ACSS1: variants seen among roughly 807,000 people sequenced by gnomAD.
The protein encoded by ACSS1 is acetyl-coenzyme A synthetase 2-like, mitochondrial.
A neutral mutation model predicts 75.3 loss-of-function variants in ACSS1; 42 were observed. The observed-to-expected ratio is 0.56, with a 90% CI of 0.44 to 0.72. The LOEUF is 0.72. Ranked by LOEUF, ACSS1 falls within the 30% of genes least tolerant of loss-of-function variation. The probability of loss-of-function intolerance (pLI) is 0.00; values close to 1 mark genes in which losing one functional copy is unlikely to be tolerated. For missense variants in ACSS1, 782 were observed against 935.7 expected (o/e 0.84, Z 2.14); for synonymous variants, 380 against 376.8 (o/e 1.01, Z -0.10).
intron 1 of ACSS1, among the ~76,000 whole-genome samples, chr20:25,056,208 C>A (rs554857193): frequency 3.9e-5 from 6 of 152,258 alleles, no homozygotes; most frequent in Admixed American, 3.3e-4. Flanking sequence ...TGTGCACAGG[C>A]CAACTGTGAA....
At chr20:25,036,917 T>C (rs2088916262) in intron 2 of ACSS1, among the ~76,000 whole-genome samples, 1 of 143,870 alleles carries the variant, frequency 7.0e-6, no homozygotes, top group Admixed American at 7.3e-5. Context: ...ATCCCATCAC[T>C]GCACTGCAGC....
At chr20:25,009,549 G>C in intron 12 of ACSS1, 161 bp from the exon 13 acceptor site, 1 of 646,506 alleles carries the variant, frequency 1.5e-6, no homozygotes, top group Non-Finnish European at 2.8e-6. Flanking sequence ...ACCCAAAGAT[G>C]CACTTCAGTT....
At chr20:25,016,940 G>T (rs1245461104) in intron 7 of ACSS1, among the ~76,000 whole-genome samples, 1 of 152,120 alleles carries the variant, frequency 6.6e-6, no homozygotes, top group Non-Finnish European at 1.5e-5. Context: ...AGGCGCAGGA[G>T]CAACAACCCC....
intron 1 of ACSS1, among the ~76,000 whole-genome samples, 189 bp downstream of exon 1, chr20:25,057,580 G>A (rs2089260703): frequency 6.6e-6 from 1 of 152,152 alleles, no homozygotes; most frequent in African/African-American, 2.4e-5. Context: ...TCTGGGGCCC[G>A]ATGGGATGAG....
At chr20:25,023,327 G>T (rs1339651930) in intron 4 of ACSS1, 139 bp downstream of exon 4, 12 of 1,122,100 alleles carry the variant, frequency 1.1e-5, no homozygotes, top group Non-Finnish European at 1.4e-5. Flanking sequence ...TCCCAGTCAG[G>T]ACTCAAGCTC....
At chr20:25,010,331 TG>T (rs1207774832) in intron 12 of ACSS1, 16 of 152,384 alleles carry the variant, frequency 1.0e-4, no homozygotes, top group Admixed American at 3.9e-4. Context: ...GACCCCTCTA[TG>T]GGGTCAGAGA....
intron 2 of ACSS1, among the ~76,000 whole-genome samples, chr20:25,039,541 A>G (rs994251810): frequency 6.6e-6 from 1 of 152,234 alleles, no homozygotes; most frequent in African/African-American, 2.4e-5. Flanking sequence ...TCTTGTCCCC[A>G]GAATGGAGGA....
In ACSS1 at chr20:25,007,891, G is replaced by C; in HGVS notation, c.1941C>G (p.Leu647=). ...CCTCACTAGTGATGATCTTCCTCAG[G>C]AGCCGCCGCATGACCTTCCCAGACC... ...KTRSGKVMRR[L]LRKIITSEAQ... Residue 647 remains leucine (L), a synonymous_variant, in exon 14 of 14, where the codon CTC becomes CTG. Transcript: ENST00000323482. 4 of 1,614,206 alleles carry C rather than the reference G, an allele frequency of 2.5e-6. No homozygotes were observed. Among genetic ancestry groups the C allele is most frequent in the Non-Finnish European group, 2.5e-6 (3 of 1,180,034 alleles).
intron 3 of ACSS1, among the ~76,000 whole-genome samples, chr20:25,027,184 C>T (rs2088734034): frequency 6.6e-6 from 1 of 152,170 alleles, no homozygotes; most frequent in African/African-American, 2.4e-5. Flanking sequence ...AAGACCAGAA[C>T]CAGATGACTT....
chr20:25,009,570 T>C, intron 12 of ACSS1, 182 bp from the exon 13 acceptor site: 1 of 605,464 alleles, frequency 1.7e-6, no homozygotes, highest in Non-Finnish European at 2.9e-6. Flanking sequence ...TCATGAAAAG[T>C]GGCAGCGATT....
intron 1 of ACSS1, among the ~76,000 whole-genome samples, chr20:25,052,835 G>A (rs1473734856): frequency 3.3e-5 from 5 of 152,224 alleles, no homozygotes; most frequent in African/African-American, 1.2e-4. Context: ...ACAGCTGGAC[G>A]CAGTCGGCCA....
chr20:25,050,830 G>A (rs115339522), intron 1 of ACSS1, among the ~76,000 whole-genome samples: 78 of 152,170 alleles, frequency 5.1e-4, no homozygotes, highest in African/African-American at 1.8e-3. Flanking sequence ...GAAGGCAGAG[G>A]TGAGGAAGGT....
intron 2 of ACSS1, chr20:25,032,721 A>G (rs6138475): frequency 0.17 from 194,862 of 1,142,124 alleles, 17,433 homozygotes; most frequent in Middle Eastern, 0.21. Context: ...AGAACAGTGA[A>G]GCTCAACGAG....
intron 10 of ACSS1, 52 bp from the exon 11 acceptor site, chr20:25,012,991 G>A (rs773687814): frequency 5.0e-6 from 8 of 1,612,292 alleles, no homozygotes; most frequent in Non-Finnish European, 6.8e-6. Flanking sequence ...CAGGACCCAT[G>A]TCCCAACCTC....
intron 7 of ACSS1, among the ~76,000 whole-genome samples, chr20:25,016,036 A>G (rs1041727602): frequency 5.9e-5 from 9 of 152,202 alleles, no homozygotes; most frequent in Non-Finnish European, 1.2e-4. Flanking sequence ...TAGAAACCAC[A>G]CACATCCCTC....
At chr20:25,047,472 G>A (rs1310480037) in intron 2 of ACSS1, among the ~76,000 whole-genome samples, 2 of 152,180 alleles carry the variant, frequency 1.3e-5, no homozygotes, top group Non-Finnish European at 2.9e-5. Flanking sequence ...GCAACATACT[G>A]CAGCCCATAC....
At chr20:25,049,806 G>A (rs1323531443) in intron 1 of ACSS1, among the ~76,000 whole-genome samples, 4 of 152,002 alleles carry the variant, frequency 2.6e-5, no homozygotes, top group South Asian at 2.1e-4. Flanking sequence ...ATTCAACGCA[G>A]GCAGATTGGC....
chr20:25,048,838 G>C (rs1037293949), intron 1 of ACSS1, among the ~76,000 whole-genome samples: 2 of 152,212 alleles, frequency 1.3e-5, no homozygotes, highest in African/African-American at 2.4e-5. Flanking sequence ...AAACAGCTCT[G>C]TGGCACACCG....
Position 25,057,993 on chromosome 20 carries a change from G to T in ACSS1, c.110C>A (p.Ala37Glu), listed in dbSNP as rs893804506. The T allele has an allele frequency of 8.6e-6, 13 of 1,507,486 alleles. No homozygotes were observed. The highest frequency in any genetic ancestry group is 2.2e-4 in the Middle Eastern group (1 of 4,638). The allele number at this position is 1,507,486 out of a possible 1,614,324, so 93.4% of individuals were successfully genotyped here. Reference sequence around the variant, plus strand: ...AGCGCTGCCCGAGGGTCCCGAGGCCGCCCTGCGCGGCGCGCTCACCCCGCA... The same window carrying T: ...AGCGCTGCCCGAGGGTCCCGAGGCCTCCCTGCGCGGCGCGCTCACCCCGCA... ...PPCGVSAPRRAASGPSGSAPA... is the reference protein window; with the variant it reads ...PPCGVSAPRREASGPSGSAPA... The change falls in exon 1 of 14, where the codon GCG (alanine) becomes GAG (glutamate). Residue 37 changes from alanine to glutamate, a missense_variant. By Grantham distance (107) the Ala-to-Glu change is moderately radical. Transcript: ENST00000323482.
Sources: gnomAD v4.1 joint callset for allele counts (sites outside exome capture counted in the v4.1 genomes callset) on GRCh38, gnomAD v4.1.1 for gene constraint, MANE v1.5 for transcripts, NCBI Gene and HGNC (gene_info 2026-07-23, HGNC 2026-07-21) for gene names.